The following GALNT13 variants were observed in gnomAD, a reference collection of about 807,000 sequenced individuals.
GALNT13 encodes the protein UDP-GalNAc:polypeptide N-acetylgalactosaminyltransferase 13.
Under a neutral mutation model 64.2 loss-of-function variants are expected in GALNT13, and 28 were observed. The ratio of observed to expected loss-of-function variants is 0.44; its 90% CI spans 0.32 to 0.60. GALNT13 has a LOEUF of 0.60. Ranked by LOEUF, GALNT13 falls within the 20% of genes least tolerant of loss-of-function variation. The pLI is 0.05. For missense variants in GALNT13, 577 were observed against 669.8 expected, an observed-to-expected ratio of 0.86 and a Z score of 1.53; for synonymous variants, 214 against 224.6, an observed-to-expected ratio of 0.95 and a Z score of 0.42.
At chr2:153,180,409 T>C in the GALNT13 span, among the ~76,000 whole-genome samples, 1 of 152,154 alleles carries the variant, frequency 6.6e-6, no homozygotes, top group Non-Finnish European at 1.5e-5. Context: ...CTTTAATGTA[T>C]TGATAAAATC....
At chr2:154,374,784 A>C (rs867207836) in intron 9 of GALNT13, among the ~76,000 whole-genome samples, 2 of 152,314 alleles carry the variant, frequency 1.3e-5, no homozygotes, top group African/African-American at 2.4e-5. Flanking sequence ...CTGTACTTTG[A>C]AATGCTCCAA....
At chr2:154,069,853 G>A (rs1165687012) in intron 3 of GALNT13, among the ~76,000 whole-genome samples, 1 of 152,030 alleles carries the variant, frequency 6.6e-6, no homozygotes, top group Non-Finnish European at 1.5e-5. Flanking sequence ...ATACATGTCT[G>A]TAGTAGCATT....
At chr2:153,672,361 C>T in the GALNT13 span, among the ~76,000 whole-genome samples, 3 of 152,168 alleles carry the variant, frequency 2.0e-5, no homozygotes, top group Admixed American at 1.3e-4. Flanking sequence ...TCTCTCACAC[C>T]ACAGTGCAAT....
chr2:153,857,124 A>G, the GALNT13 span, among the ~76,000 whole-genome samples: 1 of 152,158 alleles, frequency 6.6e-6, no homozygotes, highest in East Asian at 1.9e-4. Context: ...TGCTATAGCC[A>G]GCTTGCATCA....
the GALNT13 span, among the ~76,000 whole-genome samples, chr2:153,087,119 G>GTCAT: frequency 1.3e-5 from 2 of 152,088 alleles, no homozygotes; most frequent in Admixed American, 6.6e-5. Flanking sequence ...CTGTGGGTTT[G>GTCAT]TCATAGATGG....
chr2:153,717,358 T>A, the GALNT13 span, among the ~76,000 whole-genome samples: 1 of 152,358 alleles, frequency 6.6e-6, no homozygotes, highest in Non-Finnish European at 1.5e-5. Flanking sequence ...GACTTTCTGC[T>A]ACTGCTGTGG....
chr2:153,483,127 C>T, the GALNT13 span, among the ~76,000 whole-genome samples: 2 of 152,066 alleles, frequency 1.3e-5, no homozygotes, highest in Non-Finnish European at 2.9e-5. Flanking sequence ...TGCTGGTGGG[C>T]ATGTAAAATG....
the GALNT13 span, chr2:153,478,801 G>A: frequency 2.2e-6 from 1 of 462,020 alleles, no homozygotes; most frequent in Non-Finnish European, 3.9e-6. Flanking sequence ...CTCGTTCCCG[G>A]CGCTCGCTCG....
chr2:153,073,916 A>G, the GALNT13 span, among the ~76,000 whole-genome samples: 1 of 152,126 alleles, frequency 6.6e-6, no homozygotes, highest in Non-Finnish European at 1.5e-5. Flanking sequence ...TTACTTTGAT[A>G]GATTCTCATA....
At chr2:154,211,878 G>A (rs1366079617) in intron 4 of GALNT13, among the ~76,000 whole-genome samples, 1 of 151,872 alleles carries the variant, frequency 6.6e-6, no homozygotes, top group Non-Finnish European at 1.5e-5. Context: ...TTTAAAGCAT[G>A]GGTCAAGAAA....
the GALNT13 span, among the ~76,000 whole-genome samples, chr2:153,250,131 C>G: frequency 6.6e-6 from 1 of 152,240 alleles, no homozygotes; most frequent in Admixed American, 6.5e-5. Flanking sequence ...TTTTTGCAAT[C>G]CATCCATCTG....
intron 9 of GALNT13, among the ~76,000 whole-genome samples, chr2:154,327,136 G>C (rs1559092501): frequency 6.6e-6 from 1 of 151,430 alleles, no homozygotes; most frequent in African/African-American, 2.4e-5. Flanking sequence ...CCATAATAGT[G>C]AGTGAGATCT....
the GALNT13 span, among the ~76,000 whole-genome samples, chr2:153,380,227 CAAGT>C: frequency 1.2e-4 from 19 of 152,194 alleles, no homozygotes; most frequent in Non-Finnish European, 4.4e-5. Context: ...TTTTTCCTGT[CAAGT>C]TTCTTCAAAC....
chr2:154,410,938 G>T (rs1463047805), intron 11 of GALNT13, among the ~76,000 whole-genome samples: 1 of 151,828 alleles, frequency 6.6e-6, no homozygotes, highest in Non-Finnish European at 1.5e-5. Flanking sequence ...CCAGAAATAA[G>T]CTATCTCACT....
At chr2:153,084,211 C>G in the GALNT13 span, among the ~76,000 whole-genome samples, 1 of 152,114 alleles carries the variant, frequency 6.6e-6, no homozygotes, top group African/African-American at 2.4e-5. Context: ...CTTGTTTTGG[C>G]TATGTGGGTT....
intron 1 of GALNT13, among the ~76,000 whole-genome samples, chr2:153,884,390 C>T (rs1686991789): frequency 6.6e-6 from 1 of 151,772 alleles, no homozygotes; most frequent in South Asian, 2.1e-4. Flanking sequence ...TTTAAAGATT[C>T]CATTGTAGAG....
At chr2:153,072,525 A>G in the GALNT13 span, among the ~76,000 whole-genome samples, 1 of 152,196 alleles carries the variant, frequency 6.6e-6, no homozygotes, top group African/African-American at 2.4e-5. Flanking sequence ...ACTTCTCCCT[A>G]AAATATTCAG....
chr2:153,720,280 G>A, the GALNT13 span, among the ~76,000 whole-genome samples: 1 of 145,248 alleles, frequency 6.9e-6, no homozygotes, highest in Non-Finnish European at 1.5e-5. Flanking sequence ...CTAACAAACA[G>A]AAAGGACATC....
chr2:153,457,878 C>CA, the GALNT13 span, among the ~76,000 whole-genome samples: 1 of 152,170 alleles, frequency 6.6e-6, no homozygotes, highest in African/African-American at 2.4e-5. Context: ...ATGTTCAGAA[C>CA]AAACCTCATG....
Sources: gnomAD v4.1 joint callset for allele counts (sites outside exome capture counted in the v4.1 genomes callset) on GRCh38, gnomAD v4.1.1 for gene constraint, MANE v1.5 for transcripts, NCBI Gene and HGNC (gene_info 2026-07-23, HGNC 2026-07-21) for gene names.